Variants in KCNK2 observed in about 807,000 individuals in gnomAD.
The protein encoded by KCNK2 is potassium two pore domain channel subfamily K member 2.
Under a neutral mutation model 40.5 loss-of-function variants are expected in KCNK2, and 21 were observed. That is an observed-to-expected ratio of 0.52 (90% CI 0.37 to 0.75). KCNK2 has a LOEUF of 0.75. Among genes scored for constraint, KCNK2 ranks in the 30% least tolerant of loss-of-function variants. The pLI is 0.00. For synonymous variants in KCNK2, 191 were observed against 202.2 expected (o/e 0.94, Z 0.47); for missense variants, 399 against 531.6 (o/e 0.75, Z 2.45).
intron 1 of KCNK2, among the ~76,000 whole-genome samples, chr1:215,032,158 A>G (rs79672901): frequency 0.01 from 1,515 of 149,580 alleles, 24 homozygotes; most frequent in South Asian, 0.073. Context: ...CTATAATCCC[A>G]GCACATTGGG....
intron 2 of KCNK2, among the ~76,000 whole-genome samples, chr1:215,109,583 T>C (rs572324478): frequency 2.0e-5 from 3 of 152,114 alleles, no homozygotes; most frequent in African/African-American, 7.2e-5. Context: ...TGTGTGTGTG[T>C]GCGTGCATGT....
chr1:215,006,906 G>T (rs1656145179), intron 1 of KCNK2, among the ~76,000 whole-genome samples: 1 of 147,304 alleles, frequency 6.8e-6, no homozygotes, highest in African/African-American at 2.5e-5. Context: ...CAAATTTCTG[G>T]CTAATTGCTA....
At chr1:215,234,741 C>T (rs766786074) in intron 6 of KCNK2, 87 bp from the exon 7 acceptor site, 38 of 1,311,602 alleles carry the variant, frequency 2.9e-5, no homozygotes, top group Non-Finnish European at 3.9e-5. Context: ...TTTTAAAATC[C>T]CAAAATAAAA....
At chr1:215,123,067 T>G (rs1272818464) in intron 2 of KCNK2, among the ~76,000 whole-genome samples, 3 of 152,152 alleles carry the variant, frequency 2.0e-5, no homozygotes, top group Non-Finnish European at 4.4e-5. Context: ...ATCTTTAATG[T>G]GACAACTTTA....
Position 215,198,300 on chromosome 1 carries a change from A to G in KCNK2, c.963+3208A>G, listed in dbSNP as rs933238956. On this transcript the variant is annotated intron_variant, in intron 6 of 6. Transcript: ENST00000444842. ...CCCTCCAAAGTTTCAGCTGCTCTGG[A>G]CAGGGGAGCCAGTTGAAATGGAGCT... 3.3e-5 allele frequency among the ~76,000 whole-genome samples: 5 copies of G among 152,246 alleles called. No individual in the cohort carries two copies. The East Asian group carries it at 9.7e-4, about 29-fold the overall frequency.
At chr1:215,061,532 G>A (rs1267628048) in intron 1 of KCNK2, among the ~76,000 whole-genome samples, 1 of 152,048 alleles carries the variant, frequency 6.6e-6, no homozygotes, top group Admixed American at 6.6e-5. Flanking sequence ...CAAAGAACAA[G>A]TATTTTAATT....
At chr1:215,194,147 A>G (rs969548906) in intron 5 of KCNK2, among the ~76,000 whole-genome samples, 3 of 152,108 alleles carry the variant, frequency 2.0e-5, no homozygotes, top group Non-Finnish European at 4.4e-5. Flanking sequence ...CACTGTTGGG[A>G]CTTAATAAAT....
At chr1:215,168,875 GA>G (rs899261760) in intron 3 of KCNK2, among the ~76,000 whole-genome samples, 11 of 151,236 alleles carry the variant, frequency 7.3e-5, no homozygotes, top group African/African-American at 2.4e-4. Context: ...AAAAAAGAAA[GA>G]AAAAAGAAAT....
intron 2 of KCNK2, among the ~76,000 whole-genome samples, chr1:215,118,534 G>A (rs968938860): frequency 1.3e-5 from 2 of 151,538 alleles, no homozygotes; most frequent in Non-Finnish European, 2.9e-5. Context: ...TTCTCAGTGT[G>A]GAAACTGGCT....
chr1:215,041,735 A>C (rs998027883), intron 1 of KCNK2, among the ~76,000 whole-genome samples: 3 of 152,206 alleles, frequency 2.0e-5, no homozygotes, highest in African/African-American at 7.2e-5. Context: ...TGAGCCAATA[A>C]GATTGCAAGC....
At chr1:215,076,235 C>T (rs1470900642) in intron 1 of KCNK2, among the ~76,000 whole-genome samples, 1 of 152,180 alleles carries the variant, frequency 6.6e-6, no homozygotes, top group East Asian at 1.9e-4. Context: ...ACTTTATAGT[C>T]TGGCTTGGAA....
At chr1:215,192,417 A>G (rs1473695957) in intron 5 of KCNK2, among the ~76,000 whole-genome samples, 1 of 152,202 alleles carries the variant, frequency 6.6e-6, no homozygotes, top group Non-Finnish European at 1.5e-5. Context: ...TGATTAAGCT[A>G]ATTTACTCTT....
At chr1:215,056,374 TAAAAG>T (rs1459091439) in intron 1 of KCNK2, among the ~76,000 whole-genome samples, 1 of 139,828 alleles carries the variant, frequency 7.2e-6, no homozygotes, top group Non-Finnish European at 1.6e-5. Context: ...ACACTAAAAA[TAAAAG>T]AAAACTAGAG....
intron 3 of KCNK2, among the ~76,000 whole-genome samples, chr1:215,138,334 C>T (rs988842646): frequency 1.3e-5 from 2 of 152,076 alleles, no homozygotes; most frequent in Non-Finnish European, 2.9e-5. Flanking sequence ...AACTAGAGTG[C>T]TACCAATCTC....
At chr1:215,071,461 C>A (rs1243924576) in intron 1 of KCNK2, among the ~76,000 whole-genome samples, 1 of 152,070 alleles carries the variant, frequency 6.6e-6, no homozygotes, top group Non-Finnish European at 1.5e-5. Flanking sequence ...TAAGAGCATT[C>A]CATGGTAACT....
At chr1:215,091,771 A>G (rs1659703000) in intron 2 of KCNK2, among the ~76,000 whole-genome samples, 1 of 152,166 alleles carries the variant, frequency 6.6e-6, no homozygotes, top group African/African-American at 2.4e-5. Context: ...TAATAAGGTG[A>G]CTTTTAAGTA....
intron 1 of KCNK2, among the ~76,000 whole-genome samples, chr1:215,023,749 G>T (rs1196345999): frequency 1.3e-5 from 2 of 152,208 alleles, no homozygotes; most frequent in African/African-American, 4.8e-5. Flanking sequence ...TTTTGGGTTT[G>T]CAAAACACTT....
In KCNK2 at chr1:215,082,752, G is replaced by C. The variant is rs1357038905; in HGVS notation, c.-634G>C. 6.6e-6 allele frequency among the ~76,000 whole-genome samples: 1 copy of C among 152,008 alleles called. No individual in the cohort carries two copies. Among genetic ancestry groups the C allele is most frequent in the Non-Finnish European group, 1.5e-5 (1 of 67,962 alleles). Reference sequence around the variant, plus strand: ...GAAAGGAGGGAAACGAGCCGGCAAGGGGCGACAGGAGCGAGCCGGGAAGGG... The same window carrying C: ...GAAAGGAGGGAAACGAGCCGGCAAGCGGCGACAGGAGCGAGCCGGGAAGGG... On this transcript the variant is annotated 5_prime_UTR_variant, in exon 1 of 7. Coordinates refer to ENST00000444842, the MANE Select transcript of KCNK2 (RefSeq NM_001017425.3).
intron 3 of KCNK2, among the ~76,000 whole-genome samples, chr1:215,157,597 A>C (rs1408991879): frequency 6.6e-6 from 1 of 152,200 alleles, no homozygotes; most frequent in Non-Finnish European, 1.5e-5. Context: ...TGAATACCTT[A>C]TTTTAAGAGT....
Sources: gnomAD v4.1 joint callset for allele counts (sites outside exome capture counted in the v4.1 genomes callset) on GRCh38, gnomAD v4.1.1 for gene constraint, MANE v1.5 for transcripts, NCBI Gene and HGNC (gene_info 2026-07-23, HGNC 2026-07-21) for gene names.